Variants in CSTPP1 observed in about 807,000 individuals in gnomAD.
CSTPP1 encodes the protein UPF0705 protein C11orf49.
the CSTPP1 span, chr11:47,161,579 C>T: frequency 2.0e-5 from 33 of 1,614,070 alleles, no homozygotes; most frequent in Non-Finnish European, 2.7e-5. Context: ...CCATCATTCC[C>T]GAAAAGTGGA....
chr11:47,031,566 C>T, the CSTPP1 span, among the ~76,000 whole-genome samples: 10 of 151,950 alleles, frequency 6.6e-5, no homozygotes, highest in Non-Finnish European at 2.9e-5. Flanking sequence ...GGCATGGTAG[C>T]GCATGTCTGA....
chr11:46,965,987 A>G, the CSTPP1 span, among the ~76,000 whole-genome samples: 1 of 152,212 alleles, frequency 6.6e-6, no homozygotes, highest in Non-Finnish European at 1.5e-5. Flanking sequence ...ATTTCATGAT[A>G]CAGTATCAAA....
the CSTPP1 span, among the ~76,000 whole-genome samples, chr11:47,019,926 A>G: frequency 3.8e-4 from 58 of 152,216 alleles, no homozygotes; most frequent in African/African-American, 1.3e-3. Flanking sequence ...TAAATGGTGC[A>G]CTACACATGC....
the CSTPP1 span, among the ~76,000 whole-genome samples, chr11:47,143,164 G>A: frequency 6.6e-6 from 1 of 152,198 alleles, no homozygotes; most frequent in Non-Finnish European, 1.5e-5. Context: ...TGCAGCTGGT[G>A]CATATGTAGA....
chr11:47,058,022 G>A, the CSTPP1 span, among the ~76,000 whole-genome samples: 3 of 152,122 alleles, frequency 2.0e-5, no homozygotes, highest in African/African-American at 2.4e-5. Context: ...AATTCACAAA[G>A]TCTGACATCC....
the CSTPP1 span, among the ~76,000 whole-genome samples, chr11:47,028,793 G>T: frequency 1.3e-5 from 2 of 152,116 alleles, no homozygotes; most frequent in African/African-American, 2.4e-5. Flanking sequence ...TCCAGGGATT[G>T]TTAGGTCAGG....
At chr11:47,119,107 T>C in the CSTPP1 span, among the ~76,000 whole-genome samples, 1 of 151,506 alleles carries the variant, frequency 6.6e-6, no homozygotes, top group African/African-American at 2.4e-5. Flanking sequence ...TGCGGTGGGC[T>C]CCGCCCAGTT....
chr11:46,956,919 G>GTA, the CSTPP1 span, among the ~76,000 whole-genome samples: 97 of 150,208 alleles, frequency 6.5e-4, no homozygotes, highest in East Asian at 3.1e-3. Flanking sequence ...TAGTATATAT[G>GTA]TATATATATA....
At chr11:47,022,535 A>G in the CSTPP1 span, among the ~76,000 whole-genome samples, 1 of 151,510 alleles carries the variant, frequency 6.6e-6, no homozygotes, top group Non-Finnish European at 1.5e-5. Flanking sequence ...ACACCTGGCT[A>G]ATTTTTGGAT....
the CSTPP1 span, among the ~76,000 whole-genome samples, chr11:47,026,003 C>A: frequency 6.6e-6 from 1 of 152,252 alleles, no homozygotes; most frequent in African/African-American, 2.4e-5. Flanking sequence ...GAAGGAATGG[C>A]AGGATCTGCA....
At chr11:47,087,183 A>G in the CSTPP1 span, among the ~76,000 whole-genome samples, 1 of 152,190 alleles carries the variant, frequency 6.6e-6, no homozygotes, top group Admixed American at 6.5e-5. Context: ...TTTGCATAAG[A>G]GCATTGATAG....
chr11:46,955,041 C>T, the CSTPP1 span, among the ~76,000 whole-genome samples: 1 of 152,172 alleles, frequency 6.6e-6, no homozygotes, highest in Non-Finnish European at 1.5e-5. Flanking sequence ...AGGAAAAAAA[C>T]AGACAGGTAC....
the CSTPP1 span, among the ~76,000 whole-genome samples, chr11:46,953,234 C>T: frequency 1.3e-5 from 2 of 151,938 alleles, no homozygotes; most frequent in Admixed American, 1.3e-4. Context: ...AGGGTGAAGG[C>T]GTTGAGAATA....
chr11:47,126,016 CAAAAAAAAAAAAAA>C, the CSTPP1 span, among the ~76,000 whole-genome samples: 2 of 108,856 alleles, frequency 1.8e-5, no homozygotes, highest in African/African-American at 6.9e-5. Context: ...GACTCTGTCT[CAAAAAAAAAAAAAA>C]GTGGGAAGTA....
chr11:47,142,162 G>A, the CSTPP1 span, among the ~76,000 whole-genome samples: 16 of 150,636 alleles, frequency 1.1e-4, no homozygotes, highest in Admixed American at 8.0e-4. Flanking sequence ...AAAATCGCTT[G>A]AACCCAGGAG....
the CSTPP1 span, among the ~76,000 whole-genome samples, chr11:47,127,089 A>G: frequency 6.6e-6 from 1 of 152,202 alleles, no homozygotes; most frequent in African/African-American, 2.4e-5. Flanking sequence ...ACTTACAGCA[A>G]AAAGAAAAGG....
chr11:47,118,236 C>T, the CSTPP1 span, among the ~76,000 whole-genome samples: 5 of 151,808 alleles, frequency 3.3e-5, no homozygotes, highest in Admixed American at 6.6e-5. Context: ...TCCACTTGAT[C>T]GAATCAGCTA....
the CSTPP1 span, among the ~76,000 whole-genome samples, chr11:47,121,020 C>A: frequency 3.3e-5 from 5 of 152,134 alleles, no homozygotes; most frequent in African/African-American, 4.8e-5. Flanking sequence ...TATACAGTGG[C>A]CTTCCCTGCC....
the CSTPP1 span, among the ~76,000 whole-genome samples, chr11:46,945,412 C>T: frequency 0.017 from 2,525 of 152,060 alleles, 25 homozygotes; most frequent in Non-Finnish European, 0.023. Context: ...GTCAGGAGTT[C>T]GAGACCAGCT....
Sources: allele counts gnomAD v4.1 joint callset (sites outside exome capture counted in the v4.1 genomes callset), GRCh38; gene constraint gnomAD v4.1.1; transcripts MANE v1.5; gene names NCBI Gene and HGNC (gene_info 2026-07-23, HGNC 2026-07-21).